Variants in SDK1 observed in about 807,000 individuals in gnomAD.
SDK1 encodes the protein protein sidekick-1.
In SDK1, 157 loss-of-function variants were observed where a neutral mutation model predicts 245.5. The ratio of observed to expected loss-of-function variants is 0.64; its 90% CI spans 0.56 to 0.73. The LOEUF is 0.73. SDK1 is among the 30% of genes least tolerant of loss of function. The pLI is 0.00. For missense variants in SDK1, 3,583 were observed against 3,002.3 expected, an observed-to-expected ratio of 1.19 and a Z score of -4.52; for synonymous variants, 1,647 against 1,278.5, an observed-to-expected ratio of 1.29 and a Z score of -6.15.
intron 22 of SDK1, among the ~76,000 whole-genome samples, chr7:4,099,673 G>T (rs1329669991): frequency 6.9e-6 from 1 of 145,676 alleles, no homozygotes; most frequent in Admixed American, 7.0e-5. Flanking sequence ...TCCAGGGCCA[G>T]CCAGGCCCAG....
chr7:3,457,420 A>G (rs1171302997), intron 1 of SDK1, among the ~76,000 whole-genome samples: 1 of 152,006 alleles, frequency 6.6e-6, no homozygotes, highest in Non-Finnish European at 1.5e-5. Flanking sequence ...CACTATACAC[A>G]ATGTCTTCTT....
chr7:3,804,454 T>C (rs145246155), intron 4 of SDK1, among the ~76,000 whole-genome samples: 79 of 152,342 alleles, frequency 5.2e-4, no homozygotes, highest in Non-Finnish European at 1.1e-3. Context: ...TATTTGTCTT[T>C]TCCTTTGCCA....
chr7:3,700,816 A>G (rs991923605), intron 4 of SDK1, among the ~76,000 whole-genome samples: 1 of 152,290 alleles, frequency 6.6e-6, no homozygotes, highest in East Asian at 1.9e-4. Context: ...TTCCTTCCAG[A>G]TGACCCCAAA....
intron 1 of SDK1, among the ~76,000 whole-genome samples, chr7:3,496,519 A>C (rs987133786): frequency 8.6e-5 from 13 of 151,664 alleles, no homozygotes; most frequent in African/African-American, 3.2e-4. Context: ...TTTGCTCCCT[A>C]ATTATAAAAT....
chr7:4,101,421 A>C (rs1041245387), intron 22 of SDK1, among the ~76,000 whole-genome samples: 1 of 152,200 alleles, frequency 6.6e-6, no homozygotes, highest in African/African-American at 2.4e-5. Context: ...TGCTGGGATT[A>C]CAGGCGTGAG....
Position 3,569,124 on chromosome 7 carries a change from C to T in SDK1, c.299-49956C>T, listed in dbSNP as rs570195290. ...ATTTACTCATTTAAAATTTATATCTCGCTTAGTTTTAAATGTTTTAAAAAG... is the reference window on the plus strand; with the variant it reads ...ATTTACTCATTTAAAATTTATATCTTGCTTAGTTTTAAATGTTTTAAAAAG... On this transcript the variant is annotated intron_variant, in intron 1 of 44. Coordinates refer to ENST00000404826, the MANE Select transcript of SDK1 (RefSeq NM_152744.4). 4.6e-5 allele frequency among the ~76,000 whole-genome samples: 7 copies of T among 150,704 alleles called. No individual in the cohort carries two copies. In the East Asian group the frequency reaches 7.8e-4, roughly 17 times the overall value.
chr7:3,598,941 T>C (rs921016896), intron 1 of SDK1, among the ~76,000 whole-genome samples: 9 of 152,306 alleles, frequency 5.9e-5, no homozygotes, highest in Admixed American at 3.9e-4. Context: ...TGTGAACATA[T>C]GTCTTCATTT....
chr7:3,757,222 C>T (rs908689814), intron 4 of SDK1, among the ~76,000 whole-genome samples: 2 of 152,116 alleles, frequency 1.3e-5, no homozygotes, highest in Admixed American at 6.5e-5. Flanking sequence ...AAAACCCCCT[C>T]CTTGGGCTCA....
intron 4 of SDK1, among the ~76,000 whole-genome samples, chr7:3,669,292 A>T (rs1354768304): frequency 1.3e-5 from 2 of 152,188 alleles, no homozygotes; most frequent in Non-Finnish European, 2.9e-5. Flanking sequence ...TTGTCTCATA[A>T]ACAGATACAG....
At chr7:4,097,659 T>C (rs1415427470) in intron 22 of SDK1, among the ~76,000 whole-genome samples, 2 of 152,190 alleles carry the variant, frequency 1.3e-5, no homozygotes, top group Non-Finnish European at 2.9e-5. Flanking sequence ...CAAATGCTTT[T>C]ATCTCATCAC....
intron 2 of SDK1, among the ~76,000 whole-genome samples, chr7:3,632,076 C>T: frequency 6.6e-6 from 1 of 152,126 alleles, no homozygotes; most frequent in Non-Finnish European, 1.5e-5. Context: ...AGAATTAAGT[C>T]AACAGACATG....
At chr7:4,017,607 G>C (rs956227839) in intron 17 of SDK1, among the ~76,000 whole-genome samples, 2 of 152,100 alleles carry the variant, frequency 1.3e-5, no homozygotes, top group Admixed American at 1.3e-4. Context: ...GCCTTTTGAC[G>C]GGTGCATCTA....
chr7:3,471,065 GT>G (rs2128598442), intron 1 of SDK1, among the ~76,000 whole-genome samples: 1 of 152,262 alleles, frequency 6.6e-6, no homozygotes, highest in South Asian at 2.1e-4. Flanking sequence ...TATTTTATCT[GT>G]TTGAGGACTA....
In SDK1 at chr7:3,647,720, G is replaced by T. The variant is rs554840498; in HGVS notation, c.713+5615G>T. Among the ~76,000 whole-genome samples, 229 of 152,082 alleles carry T rather than the reference G, an allele frequency of 1.5e-3. 1 individual carries two copies. Among genetic ancestry groups the T allele is most frequent in the African/African-American group, 5.3e-3 (219 of 41,478 alleles). On this transcript the variant is annotated intron_variant, in intron 4 of 44. Transcript: ENST00000404826. Reference sequence around the variant, plus strand: ...GCTGGGATTACAGACCACCGTGCCCGGCCAGTTTTAGGTGGTTTTGACCAC... The same window carrying T: ...GCTGGGATTACAGACCACCGTGCCCTGCCAGTTTTAGGTGGTTTTGACCAC...
At chr7:3,920,934 A>C (rs550317084) in intron 5 of SDK1, among the ~76,000 whole-genome samples, 3 of 152,324 alleles carry the variant, frequency 2.0e-5, no homozygotes, top group African/African-American at 7.2e-5. Flanking sequence ...GAGGGGCACA[A>C]GTGATTAAAT....
chr7:3,752,578 A>G (rs996377937), intron 4 of SDK1, among the ~76,000 whole-genome samples: 3 of 152,204 alleles, frequency 2.0e-5, no homozygotes, highest in East Asian at 1.9e-4. Context: ...GACAACATTT[A>G]TAGAAATTAT....
At chr7:3,488,590 G>A (rs1171463785) in intron 1 of SDK1, among the ~76,000 whole-genome samples, 1 of 152,148 alleles carries the variant, frequency 6.6e-6, no homozygotes, top group East Asian at 1.9e-4. Flanking sequence ...CAAAATGATA[G>A]TTGAAGTCCC....
At chr7:4,113,904 T>A in intron 24 of SDK1, 133 bp from the exon 25 acceptor site, 1 of 656,784 alleles carries the variant, frequency 1.5e-6, no homozygotes, top group South Asian at 1.9e-5. Flanking sequence ...ATAAAGTAGA[T>A]CCTTCTAAGA....
Position 4,165,216 on chromosome 7 carries a change from G to A in SDK1, c.4800+3360G>A, listed in dbSNP as rs541845908. Among the ~76,000 whole-genome samples the A allele has an allele frequency of 5.9e-5, 9 of 152,106 alleles. No individual in the cohort carries two copies. The East Asian group carries it at 7.8e-4, about 13-fold the overall frequency. ...TCTACTAAAAATACAAAAATTAGCCGGGCGTGGTGATGGGCGCCTGTAATC... is the reference window on the plus strand; with the variant it reads ...TCTACTAAAAATACAAAAATTAGCCAGGCGTGGTGATGGGCGCCTGTAATC... On this transcript the variant is annotated intron_variant, in intron 32 of 44. Coordinates refer to ENST00000404826, the MANE Select transcript of SDK1 (RefSeq NM_152744.4).
Sources: gnomAD v4.1 joint callset for allele counts (sites outside exome capture counted in the v4.1 genomes callset) on GRCh38, gnomAD v4.1.1 for gene constraint, MANE v1.5 for transcripts, NCBI Gene and HGNC (gene_info 2026-07-23, HGNC 2026-07-21) for gene names.